The following FSD1L variants were observed in gnomAD, a reference collection of about 807,000 sequenced individuals.
FSD1L encodes the protein fibronectin type III and SPRY domain containing 1 like, also known as FSD1-like protein.
FSD1L carries 45 observed loss-of-function variants against 71.6 expected under a neutral mutation model. The observed-to-expected ratio is 0.63, with a 90% CI of 0.49 to 0.81. The LOEUF (loss-of-function observed/expected upper bound fraction) is 0.81, where lower values mean the gene tolerates loss of function less well. Among genes scored for constraint, FSD1L ranks in the 30% least tolerant of loss-of-function variants. The probability of loss-of-function intolerance (pLI) is 0.00; values close to 1 mark genes in which losing one functional copy is unlikely to be tolerated. For synonymous variants in FSD1L, 197 were observed against 207.2 expected (o/e 0.95, Z 0.42); for missense variants, 561 against 618.1 (o/e 0.91, Z 0.98).
chr9:105,491,169 T>C (rs1348814445), intron 7 of FSD1L, among the ~76,000 whole-genome samples: 1 of 152,038 alleles, frequency 6.6e-6, no homozygotes. Context: ...GTTTGTATCC[T>C]CTTTTATTTC....
At chr9:105,531,051 CT>C (rs1835863981) in intron 10 of FSD1L, 2 of 152,680 alleles carry the variant, frequency 1.3e-5, no homozygotes, top group South Asian at 4.1e-4. Context: ...TAAAACCTGT[CT>C]TTTCATCACC....
At chr9:105,502,440 A>G (rs114229774) in intron 7 of FSD1L, among the ~76,000 whole-genome samples, 4 of 152,136 alleles carry the variant, frequency 2.6e-5, no homozygotes, top group East Asian at 3.8e-4. Flanking sequence ...GTGTTGATTT[A>G]TAGCAGTTGA....
chr9:105,518,943 C>A (rs920307598), intron 10 of FSD1L, among the ~76,000 whole-genome samples: 4 of 152,080 alleles, frequency 2.6e-5, no homozygotes, highest in African/African-American at 9.7e-5. Context: ...AGAGAAGAAT[C>A]AAATAGATGC....
At chr9:105,475,496 C>G (rs775852307) in intron 5 of FSD1L, among the ~76,000 whole-genome samples, 3 of 152,138 alleles carry the variant, frequency 2.0e-5, no homozygotes, top group Non-Finnish European at 2.9e-5. Context: ...TCAGTACTTT[C>G]ATCAAGTAAG....
intron 13 of FSD1L, among the ~76,000 whole-genome samples, chr9:105,542,312 T>G (rs1196049980): frequency 6.6e-6 from 1 of 152,170 alleles, no homozygotes; most frequent in Non-Finnish European, 1.5e-5. Context: ...AGGTGTGTAG[T>G]GGTATGTCAT....
chr9:105,449,122 A>T (rs747927976), intron 1 of FSD1L, among the ~76,000 whole-genome samples: 1 of 152,242 alleles, frequency 6.6e-6, no homozygotes, highest in Non-Finnish European at 1.5e-5. Context: ...AAACAAAGAC[A>T]TATCTAAGAG....
At chr9:105,502,668 A>C (rs1454172933) in intron 7 of FSD1L, among the ~76,000 whole-genome samples, 1 of 152,144 alleles carries the variant, frequency 6.6e-6, no homozygotes, top group Non-Finnish European at 1.5e-5. Context: ...ACTTTGATAA[A>C]AAAAAATGAT....
At chr9:105,481,794 T>A (rs1832221099) in intron 6 of FSD1L, among the ~76,000 whole-genome samples, 1 of 149,704 alleles carries the variant, frequency 6.7e-6, no homozygotes. Context: ...TTTTTTTGGG[T>A]CAGGGTCTTG....
At chr9:105,499,072 C>T (rs1833608299) in intron 7 of FSD1L, among the ~76,000 whole-genome samples, 1 of 152,184 alleles carries the variant, frequency 6.6e-6, no homozygotes, top group South Asian at 2.1e-4. Context: ...TTTGTCTTGG[C>T]AAATGTTCTA....
At chr9:105,497,954 C>CAG (rs1833519488) in intron 7 of FSD1L, among the ~76,000 whole-genome samples, 1 of 152,076 alleles carries the variant, frequency 6.6e-6, no homozygotes, top group Non-Finnish European at 1.5e-5. Flanking sequence ...AGGGATCTTC[C>CAG]TGCCACAGCC....
intron 5 of FSD1L, among the ~76,000 whole-genome samples, chr9:105,474,775 AAG>A (rs1831685830): frequency 6.6e-6 from 1 of 152,236 alleles, no homozygotes; most frequent in South Asian, 2.1e-4. Context: ...TATCTTCAAA[AAG>A]AATATTTCAA....
Position 105,468,280 on chromosome 9 carries a change from A to T in FSD1L, c.295A>T (p.Asn99Tyr), listed in dbSNP as rs1314827337. ...GGATGAAGTAAAAGAAAGTATGATT[A>T]ACTGTATCAAGCAGGAACAAGCTCG... ...ILDEVKESMI[N>Y]CIKQEQARKS... Residue 99 changes from asparagine (N) to tyrosine (Y), a missense_variant, in exon 4 of 14, where the codon AAC becomes TAC. Physicochemically the swap from Asn to Tyr is moderately radical, Grantham distance 143. This residue lies in a region of FSD1L where 410 missense variants were observed against 413.5 expected (regional missense o/e 0.99). Coordinates refer to ENST00000481272, the MANE Select transcript of FSD1L (RefSeq NM_001145313.3). The T allele has an allele frequency of 6.7e-7, 1 of 1,492,624 alleles. No individual in the cohort carries two copies. 92.5% of individuals were successfully genotyped at this position (1,492,624 alleles called of 1,614,324 possible).
intron 7 of FSD1L, among the ~76,000 whole-genome samples, chr9:105,492,196 G>A (rs549266382): frequency 2.0e-5 from 3 of 152,262 alleles, no homozygotes; most frequent in South Asian, 4.1e-4. Context: ...GGTCTATTCA[G>A]AGAATCAACT....
intron 9 of FSD1L, among the ~76,000 whole-genome samples, chr9:105,510,337 C>T (rs1423958794): frequency 6.6e-6 from 1 of 152,190 alleles, no homozygotes; most frequent in Non-Finnish European, 1.5e-5. Context: ...TAGACTCCTA[C>T]ATGGCCATGA....
At chr9:105,453,044 GTTTTTTTTTTTT>G (rs774826229) in intron 1 of FSD1L, among the ~76,000 whole-genome samples, 3 of 88,244 alleles carry the variant, frequency 3.4e-5, no homozygotes, top group Non-Finnish European at 6.3e-5. Context: ...ACCTAAAGTT[GTTTTTTTTTTTT>G]TTTTTTTTTT....
chr9:105,528,995 T>C (rs1435284034), intron 10 of FSD1L, among the ~76,000 whole-genome samples: 1 of 149,836 alleles, frequency 6.7e-6, no homozygotes, highest in Non-Finnish European at 1.5e-5. Context: ...ATCAAACATA[T>C]GCTAACAAAG....
intron 12 of FSD1L, among the ~76,000 whole-genome samples, chr9:105,539,043 G>A (rs1338011467): frequency 6.6e-6 from 1 of 152,064 alleles, no homozygotes; most frequent in Non-Finnish European, 1.5e-5. Flanking sequence ...GATTATAGAG[G>A]TATTATAGAG....
intron 7 of FSD1L, among the ~76,000 whole-genome samples, chr9:105,495,519 C>T (rs561479087): frequency 3.9e-5 from 6 of 152,316 alleles, no homozygotes; most frequent in Non-Finnish European, 8.8e-5. Flanking sequence ...GTCCTGCGCC[C>T]ACTGTCTGGC....
intron 10 of FSD1L, among the ~76,000 whole-genome samples, chr9:105,527,462 G>A (rs1835583933): frequency 6.6e-6 from 1 of 152,090 alleles, no homozygotes; most frequent in Non-Finnish European, 1.5e-5. Flanking sequence ...GCAGGTCCAG[G>A]TTGGTATACA....
Sources: allele counts gnomAD v4.1 joint callset (sites outside exome capture counted in the v4.1 genomes callset), GRCh38; gene constraint gnomAD v4.1.1; regional missense constraint gnomAD v4.1.1; transcripts MANE v1.5; gene names NCBI Gene and HGNC (gene_info 2026-07-23, HGNC 2026-07-21).